GMDS: variants seen among roughly 807,000 people sequenced by gnomAD.
The protein encoded by GMDS is GDP-mannose 4,6-dehydratase.
In GMDS, 20 loss-of-function variants were observed where a neutral mutation model predicts 49.9. The observed-to-expected ratio is 0.40, with a 90% CI of 0.28 to 0.58. The LOEUF is 0.58. Ranked by LOEUF, GMDS falls within the 20% of genes least tolerant of loss-of-function variation. GMDS has a pLI of 0.42. For missense variants in GMDS, 362 were observed against 481.4 expected (o/e 0.75, Z 2.32); for synonymous variants, 177 against 178.6 (o/e 0.99, Z 0.07).
intron 4 of GMDS, among the ~76,000 whole-genome samples, chr6:2,047,260 G>T (rs1397904407): frequency 3.3e-5 from 5 of 152,148 alleles, no homozygotes; most frequent in Non-Finnish European, 7.3e-5. Flanking sequence ...CATAGTTCAA[G>T]TTATATTAAG....
intron 7 of GMDS, among the ~76,000 whole-genome samples, chr6:1,921,118 G>A (rs1005468097): frequency 1.2e-4 from 19 of 152,062 alleles, no homozygotes; most frequent in African/African-American, 3.4e-4. Flanking sequence ...CATAATCCAC[G>A]TCCACAGGCA....
chr6:1,748,383 C>T (rs747040371), intron 7 of GMDS, among the ~76,000 whole-genome samples: 2 of 152,116 alleles, frequency 1.3e-5, no homozygotes, highest in South Asian at 2.1e-4. Context: ...ACATCTATCA[C>T]CTCCGAGCTA....
At chr6:1,840,240 C>T (rs1757098000) in intron 7 of GMDS, among the ~76,000 whole-genome samples, 1 of 152,088 alleles carries the variant, frequency 6.6e-6, no homozygotes, top group African/African-American at 2.4e-5. Context: ...CTTTGCAAGA[C>T]CTCCCACCTG....
At chr6:1,879,209 TTAAG>T (rs1466369178) in intron 7 of GMDS, among the ~76,000 whole-genome samples, 1 of 152,134 alleles carries the variant, frequency 6.6e-6, no homozygotes, top group Non-Finnish European at 1.5e-5. Flanking sequence ...AAAATTAAAA[TTAAG>T]TAAAAATTAA....
At chr6:1,974,837 C>A (rs147556815) in intron 4 of GMDS, among the ~76,000 whole-genome samples, 1,916 of 150,354 alleles carry the variant, frequency 0.013, 38 homozygotes, top group African/African-American at 0.044. Flanking sequence ...TCAAGACCAG[C>A]CTGGCCAACA....
At chr6:2,178,421 C>T (rs1778379805) in intron 1 of GMDS, among the ~76,000 whole-genome samples, 1 of 152,000 alleles carries the variant, frequency 6.6e-6, no homozygotes, top group Non-Finnish European at 1.5e-5. Flanking sequence ...GAAGAGGTGC[C>T]ACATGCTTTA....
chr6:2,049,174 T>C (rs1487865955), intron 4 of GMDS, among the ~76,000 whole-genome samples: 1 of 152,218 alleles, frequency 6.6e-6, no homozygotes, highest in Non-Finnish European at 1.5e-5. Context: ...GTGTGCAGTA[T>C]TTTGTTATGG....
At chr6:1,914,136 T>G (rs907540152) in intron 7 of GMDS, among the ~76,000 whole-genome samples, 126 of 123,414 alleles carry the variant, frequency 1.0e-3, no homozygotes, top group Non-Finnish European at 1.8e-3. Context: ...TGTTTGTTTT[T>G]TTTTTTTTTT....
intron 7 of GMDS, among the ~76,000 whole-genome samples, chr6:1,912,147 C>A (rs1761097922): frequency 6.6e-6 from 1 of 152,066 alleles, no homozygotes; most frequent in Admixed American, 6.6e-5. Context: ...GGGTGGATCA[C>A]CTGAGGTCAG....
chr6:1,925,060 T>C (rs1314351690), intron 7 of GMDS, among the ~76,000 whole-genome samples: 1 of 152,226 alleles, frequency 6.6e-6, no homozygotes, highest in Non-Finnish European at 1.5e-5. Flanking sequence ...CCATTAGCAC[T>C]ACAGTAATTA....
At chr6:2,237,569 T>A (rs1244640386) in intron 1 of GMDS, among the ~76,000 whole-genome samples, 2 of 148,726 alleles carry the variant, frequency 1.3e-5, no homozygotes, top group Admixed American at 6.8e-5. Context: ...TCACCCAGGC[T>A]GGAGTACAGT....
At chr6:1,656,972 T>C (rs1052481696) in intron 9 of GMDS, among the ~76,000 whole-genome samples, 1 of 152,148 alleles carries the variant, frequency 6.6e-6, no homozygotes, top group Non-Finnish European at 1.5e-5. Context: ...AAGAGCACCA[T>C]GCTGGAGGTC....
intron 7 of GMDS, among the ~76,000 whole-genome samples, chr6:1,788,907 G>A (rs1392141295): frequency 6.6e-6 from 1 of 152,220 alleles, no homozygotes; most frequent in Non-Finnish European, 1.5e-5. Flanking sequence ...TCTGCAGACT[G>A]AAGGGCATGA....
intron 6 of GMDS, among the ~76,000 whole-genome samples, chr6:1,939,175 A>G (rs929069000): frequency 3.9e-5 from 6 of 152,214 alleles, no homozygotes; most frequent in African/African-American, 1.2e-4. Flanking sequence ...AGATAATTCC[A>G]GTATCTGAAG....
intron 7 of GMDS, among the ~76,000 whole-genome samples, chr6:1,755,310 C>T (rs1302077870): frequency 6.6e-6 from 1 of 152,132 alleles, no homozygotes; most frequent in African/African-American, 2.4e-5. Flanking sequence ...CCTAGGAATA[C>T]AACTTACAAG....
chr6:1,803,308 T>C (rs1770023439), intron 7 of GMDS, among the ~76,000 whole-genome samples: 1 of 152,202 alleles, frequency 6.6e-6, no homozygotes, highest in Non-Finnish European at 1.5e-5. Context: ...AAGACTGTTT[T>C]GCAGTCGAGA....
intron 4 of GMDS, among the ~76,000 whole-genome samples, chr6:2,087,212 C>T (rs1773065167): frequency 6.6e-6 from 1 of 152,204 alleles, no homozygotes; most frequent in Non-Finnish European, 1.5e-5. Flanking sequence ...ACAAGGAAAG[C>T]TGTCATGATT....
intron 4 of GMDS, among the ~76,000 whole-genome samples, chr6:2,071,844 G>T (rs1772023446): frequency 6.6e-6 from 1 of 152,154 alleles, no homozygotes; most frequent in Non-Finnish European, 1.5e-5. Flanking sequence ...AGCTGCTTAT[G>T]CCAATGTTTC....
chr6:1,743,620 C>A (rs1049726602), intron 7 of GMDS, among the ~76,000 whole-genome samples: 3 of 152,018 alleles, frequency 2.0e-5, no homozygotes, highest in African/African-American at 7.3e-5. Context: ...GGCAAAAATG[C>A]CACTGCATGT....
Sources: allele counts gnomAD v4.1 joint callset (sites outside exome capture counted in the v4.1 genomes callset), GRCh38; gene constraint gnomAD v4.1.1; transcripts MANE v1.5; gene names NCBI Gene and HGNC (gene_info 2026-07-23, HGNC 2026-07-21).